Variants in MNAT1 observed in about 807,000 individuals in gnomAD.
MNAT1 encodes the protein MNAT1 component of CDK activating kinase, also known as CDK-activating kinase assembly factor MAT1.
MNAT1 carries 43 observed loss-of-function variants against 42.0 expected under a neutral mutation model. The ratio of observed to expected loss-of-function variants is 1.02; its 90% CI spans 0.80 to 1.32. MNAT1 has a LOEUF of 1.32. Among genes scored for constraint, MNAT1 ranks in the 40% most tolerant of loss-of-function variants. The probability of loss-of-function intolerance (pLI) is 0.00; values close to 1 mark genes in which losing one functional copy is unlikely to be tolerated. For synonymous variants in MNAT1, 118 were observed against 120.0 expected (o/e 0.98, Z 0.11); for missense variants, 306 against 350.4 (o/e 0.87, Z 1.01).
intron 7 of MNAT1, among the ~76,000 whole-genome samples, chr14:60,910,387 ATCCCTG>A (rs1353269194): frequency 6.6e-6 from 1 of 151,612 alleles, no homozygotes; most frequent in East Asian, 2.0e-4. Context: ...GAGAGAGGGC[ATCCCTG>A]TCTTGTGCCA....
At chr14:60,738,621 T>A (rs1237838203) in intron 1 of MNAT1, among the ~76,000 whole-genome samples, 2 of 152,008 alleles carry the variant, frequency 1.3e-5, no homozygotes, top group East Asian at 3.9e-4. Flanking sequence ...CCACAACCTC[T>A]GCCTCCCGGG....
At chr14:60,776,366 A>G (rs2031250229) in intron 1 of MNAT1, among the ~76,000 whole-genome samples, 1 of 152,164 alleles carries the variant, frequency 6.6e-6, no homozygotes, top group South Asian at 2.1e-4. Flanking sequence ...ATTGATAATG[A>G]CAAGATTGCA....
intron 7 of MNAT1, among the ~76,000 whole-genome samples, chr14:60,903,872 T>G (rs925318298): frequency 7.3e-5 from 11 of 150,028 alleles, no homozygotes; most frequent in African/African-American, 2.7e-4. Flanking sequence ...TAAGTTTTTT[T>G]TTTTTTTTTT....
chr14:60,752,233 G>A (rs1361258670), intron 1 of MNAT1, among the ~76,000 whole-genome samples: 2 of 152,116 alleles, frequency 1.3e-5, no homozygotes, highest in African/African-American at 4.8e-5. Flanking sequence ...GCTTTCAAAA[G>A]TGATGGGATT....
At chr14:60,884,467 C>T (rs1235192557) in intron 7 of MNAT1, among the ~76,000 whole-genome samples, 4 of 151,970 alleles carry the variant, frequency 2.6e-5, no homozygotes, top group Non-Finnish European at 5.9e-5. Context: ...ATTCAGCTTG[C>T]TAGTATTTTG....
At chr14:60,901,568 A>G (rs1046213003) in intron 7 of MNAT1, among the ~76,000 whole-genome samples, 2 of 152,364 alleles carry the variant, frequency 1.3e-5, no homozygotes, top group East Asian at 3.9e-4. Context: ...TCATTACTCT[A>G]GAAGCCATTA....
intron 1 of MNAT1, among the ~76,000 whole-genome samples, chr14:60,748,835 A>G (rs1266528599): frequency 6.6e-6 from 1 of 152,218 alleles, no homozygotes; most frequent in Non-Finnish European, 1.5e-5. Context: ...AAGAAGTCAC[A>G]GTATCGTAAA....
chr14:60,909,046 T>TTTTGATTTGCA (rs1489662301), intron 7 of MNAT1, among the ~76,000 whole-genome samples: 3 of 152,204 alleles, frequency 2.0e-5, no homozygotes, highest in Non-Finnish European at 4.4e-5. Context: ...CTCATTGTGG[T>TTTTGATTTGCA]TTTGATTTGC....
chr14:60,900,927 G>C lies in MNAT1; in HGVS notation c.809+21092G>C, dbSNP rs1371568657. On this transcript the variant is annotated intron_variant, in intron 7 of 7. Transcript: ENST00000261245. Reference sequence around the variant, plus strand: ...ACCTGAGCCTGGGGAGGTTGAGGCTGCAGTGAGCCATGATCATGTCACTGT... The same window carrying C: ...ACCTGAGCCTGGGGAGGTTGAGGCTCCAGTGAGCCATGATCATGTCACTGT... 1.4e-5 allele frequency among the ~76,000 whole-genome samples: 2 copies of C among 145,306 alleles called. 1 individual carries two copies. The highest frequency in any genetic ancestry group is 4.5e-4 in the South Asian group (2 of 4,486).
intron 1 of MNAT1, among the ~76,000 whole-genome samples, chr14:60,782,460 C>G (rs1314260291): frequency 6.6e-6 from 1 of 151,936 alleles, no homozygotes; most frequent in Non-Finnish European, 1.5e-5. Context: ...TTTCATATTT[C>G]AAGGCCAGCA....
intron 7 of MNAT1, among the ~76,000 whole-genome samples, chr14:60,929,170 A>AATATATATATATAT (rs57354716): frequency 2.1e-4 from 10 of 47,462 alleles, no homozygotes; most frequent in African/African-American, 9.4e-4. Flanking sequence ...AAAAAAAAAA[A>AATATATATATATAT]ATATATATAT....
intron 7 of MNAT1, among the ~76,000 whole-genome samples, chr14:60,934,291 T>C: frequency 6.6e-6 from 1 of 152,210 alleles, no homozygotes. Flanking sequence ...CATGTAAGCA[T>C]GAGCCTCCTT....
intron 6 of MNAT1, among the ~76,000 whole-genome samples, chr14:60,854,164 CCT>C (rs1365974417): frequency 6.6e-6 from 1 of 152,174 alleles, no homozygotes; most frequent in Non-Finnish European, 1.5e-5. Context: ...CATTTATATT[CCT>C]CTCTAAACTG....
At chr14:60,931,724 C>G (rs572689069) in intron 7 of MNAT1, among the ~76,000 whole-genome samples, 1 of 152,062 alleles carries the variant, frequency 6.6e-6, no homozygotes, top group South Asian at 2.1e-4. Flanking sequence ...AATAGTACTA[C>G]TTACTTTAAT....
intron 6 of MNAT1, among the ~76,000 whole-genome samples, chr14:60,852,616 T>C (rs1338037027): frequency 3.3e-5 from 5 of 152,192 alleles, no homozygotes; most frequent in East Asian, 1.9e-4. Flanking sequence ...ATAAAGTCTT[T>C]GCCTATGCCT....
chr14:60,833,604 A>G (rs2033287503), intron 6 of MNAT1, among the ~76,000 whole-genome samples: 4 of 152,248 alleles, frequency 2.6e-5, no homozygotes, highest in East Asian at 3.9e-4. Context: ...GAATTTTTGC[A>G]TCAATGTTCA....
At chr14:60,841,817 C>T (rs1195693628) in intron 6 of MNAT1, among the ~76,000 whole-genome samples, 19 of 152,216 alleles carry the variant, frequency 1.2e-4, no homozygotes, top group Admixed American at 1.2e-3. Context: ...TAATGTTAGG[C>T]TAATTTAGCT....
chr14:60,752,542 G>A (rs753049677), intron 1 of MNAT1, among the ~76,000 whole-genome samples: 9 of 152,112 alleles, frequency 5.9e-5, no homozygotes, highest in Non-Finnish European at 1.0e-4. Flanking sequence ...TGTGTGCTGT[G>A]TAGTCTCAGC....
intron 1 of MNAT1, among the ~76,000 whole-genome samples, chr14:60,746,977 CAAA>C: frequency 1.5e-5 from 1 of 67,880 alleles, no homozygotes; most frequent in Non-Finnish European, 2.9e-5. Flanking sequence ...CACACACACA[CAAA>C]ATTATGTCTT....
Sources: gnomAD v4.1 joint callset for allele counts (sites outside exome capture counted in the v4.1 genomes callset) on GRCh38, gnomAD v4.1.1 for gene constraint, MANE v1.5 for transcripts, NCBI Gene and HGNC (gene_info 2026-07-23, HGNC 2026-07-21) for gene names.